Variants in MYH13 observed in about 807,000 individuals in gnomAD.
MYH13 encodes the protein myosin heavy chain 13, also known as myosin-13.
MYH13 carries 177 observed loss-of-function variants against 232.1 expected under a neutral mutation model. That is an observed-to-expected ratio of 0.76 (90% confidence interval 0.67 to 0.86). The LOEUF (loss-of-function observed/expected upper bound fraction) is 0.86, where lower values mean the gene tolerates loss of function less well. Among genes scored for constraint, MYH13 ranks in the 40% least tolerant of loss-of-function variants. The pLI is 0.00. For missense variants in MYH13, 2,246 were observed against 2,405.9 expected (o/e 0.93, Z 1.39); for synonymous variants, 884 against 923.5 (o/e 0.96, Z 0.78).
intron 16 of MYH13, among the ~76,000 whole-genome samples, chr17:10,340,630 T>C (rs2071613693): frequency 6.6e-6 from 1 of 152,140 alleles, no homozygotes; most frequent in African/African-American, 2.4e-5. Context: ...GCCATTCTCT[T>C]GCCTCAGCCT....
chr17:10,367,338 A>G (rs2071845465), intron 2 of MYH13, among the ~76,000 whole-genome samples: 3 of 152,212 alleles, frequency 2.0e-5, no homozygotes, highest in Admixed American at 2.0e-4. Context: ...CATTACATTA[A>G]CATAAACATT....
intron 1 of MYH13, among the ~76,000 whole-genome samples, 198 bp downstream of exon 1, chr17:10,372,781 C>A: frequency 6.6e-6 from 1 of 152,092 alleles, no homozygotes; most frequent in Non-Finnish European, 1.5e-5. Context: ...CTTGTCTTTT[C>A]ACCCCTTGTA....
chr17:10,364,101 C>T (rs2071814391), intron 3 of MYH13, among the ~76,000 whole-genome samples: 1 of 152,144 alleles, frequency 6.6e-6, no homozygotes, highest in Admixed American at 6.5e-5. Flanking sequence ...TCCTCTAAAG[C>T]AAACACCACA....
intron 1 of MYH13, among the ~76,000 whole-genome samples, chr17:10,372,125 A>C (rs1000351485): frequency 6.6e-6 from 1 of 152,202 alleles, no homozygotes; most frequent in African/African-American, 2.4e-5. Flanking sequence ...CATCTTAAAT[A>C]ATCTCCAGTT....
chr17:10,322,794 C>T (rs910688281), intron 23 of MYH13, among the ~76,000 whole-genome samples: 57 of 151,938 alleles, frequency 3.8e-4, no homozygotes, highest in African/African-American at 1.1e-3. Context: ...CCACCACGCC[C>T]GGCTAATTTT....
chr17:10,365,508 C>G (rs1209388560), intron 2 of MYH13, among the ~76,000 whole-genome samples: 1 of 152,182 alleles, frequency 6.6e-6, no homozygotes, highest in Non-Finnish European at 1.5e-5. Flanking sequence ...ATGGGCATTT[C>G]TAGCAAGTTC....
chr17:10,310,725 G>A (rs11868948), intron 33 of MYH13, among the ~76,000 whole-genome samples: 96,653 of 151,886 alleles, frequency 0.64, 31,145 homozygotes, highest in African/African-American at 0.73. Context: ...TTACTGCATC[G>A]GGAGATGCTG....
intron 16 of MYH13, chr17:10,341,235 T>C (rs1402320544): frequency 2.6e-5 from 4 of 151,710 alleles, no homozygotes; most frequent in African/African-American, 9.7e-5. Context: ...TAGAGATGTT[T>C]AGTAGAGAGT....
At chr17:10,354,851 A>G (rs774664046) in intron 10 of MYH13, 44 bp downstream of exon 10, 4 of 1,590,142 alleles carry the variant, frequency 2.5e-6, no homozygotes, top group Non-Finnish European at 2.6e-6. Context: ...TTTTTTCCCA[A>G]CGTCACCGAT....
chr17:10,339,489 A>G (rs1347717038), intron 18 of MYH13, among the ~76,000 whole-genome samples: 1 of 152,236 alleles, frequency 6.6e-6, no homozygotes, highest in African/African-American at 2.4e-5. Flanking sequence ...AAAGTGATTG[A>G]CATGCAGTAT....
Position 10,330,469 on chromosome 17 carries a change from G to C in MYH13, c.2353C>G (p.Leu785Val), listed in dbSNP as rs1907373185. The C allele has an allele frequency of 6.2e-7, 1 of 1,612,550 alleles. No homozygotes were observed. The highest frequency in any genetic ancestry group is 1.3e-5 in the African/African-American group (1 of 74,872). Reference sequence around the variant, plus strand: ...TGCGTGCTTGTCATCAGCGTCACCAGCTTCTCATCTCTCATCTCCTCCAAA... The same window carrying C: ...TGCGTGCTTGTCATCAGCGTCACCACCTTCTCATCTCTCATCTCCTCCAAA... Reference protein sequence around the residue: ...GLLEEMRDEKLVTLMTSTQAV... With the variant: ...GLLEEMRDEKVVTLMTSTQAV... The change falls in exon 21 of 41, where the codon CTG becomes GTG. Residue 785 changes from leucine to valine, a missense_variant. Transcript: ENST00000252172.
chr17:10,361,797 C>T (rs373626878), intron 5 of MYH13, among the ~76,000 whole-genome samples: 5 of 152,214 alleles, frequency 3.3e-5, no homozygotes, highest in African/African-American at 1.2e-4. Context: ...GTAGCATTCC[C>T]TGAGTGGCTA....
At chr17:10,317,612 C>T (rs2142228999) in intron 27 of MYH13, 1 of 152,388 alleles carries the variant, frequency 6.6e-6, no homozygotes, top group Non-Finnish European at 1.5e-5. Context: ...GAGCACCCTG[C>T]AAGGAGGGCA....
At chr17:10,372,293 G>A (rs1454340936) in intron 1 of MYH13, among the ~76,000 whole-genome samples, 2 of 152,086 alleles carry the variant, frequency 1.3e-5, no homozygotes, top group Non-Finnish European at 2.9e-5. Flanking sequence ...GTTTCCTTCC[G>A]TAAAATGAAT....
chr17:10,365,482 G>GA (rs1173846856), intron 2 of MYH13, among the ~76,000 whole-genome samples: 1 of 152,214 alleles, frequency 6.6e-6, no homozygotes, highest in East Asian at 1.9e-4. Flanking sequence ...CAGTAGGCCT[G>GA]AAGTGGGGCC....
intron 23 of MYH13, among the ~76,000 whole-genome samples, chr17:10,322,925 A>G (rs1425742067): frequency 6.6e-6 from 1 of 152,022 alleles, no homozygotes; most frequent in Non-Finnish European, 1.5e-5. Flanking sequence ...AAGCCACCGC[A>G]CCTGGCCCTA....
At chr17:10,368,214 G>A (rs1967580547) in intron 2 of MYH13, among the ~76,000 whole-genome samples, 1 of 152,166 alleles carries the variant, frequency 6.6e-6, no homozygotes, top group Non-Finnish European at 1.5e-5. Context: ...AAGTTGTCAA[G>A]CTAATGGTGG....
chr17:10,305,090 C>T (rs769658502), intron 37 of MYH13, among the ~76,000 whole-genome samples: 1 of 152,176 alleles, frequency 6.6e-6, no homozygotes, highest in Non-Finnish European at 1.5e-5. Context: ...AAATGTCTTC[C>T]ATCAGGTTCT....
Position 10,324,201 on chromosome 17 carries a change from G to A in MYH13, c.2755C>T (p.Leu919=), listed in dbSNP as rs1907112640. 6.2e-7 allele frequency: 1 copy of A among 1,613,870 alleles called. No homozygotes were observed. Among genetic ancestry groups the A allele is most frequent in the Non-Finnish European group, 8.5e-7 (1 of 1,179,878 alleles). The change falls in exon 23 of 41, where the codon CTG becomes TTG. Residue 919 remains leucine (L), a synonymous_variant. Transcript: ENST00000252172. ...GTCAGCTCCTTGACTTTTGCTTCCA[G>A]TAGGATCTTGCTTTTGATGAGTCCT... The part of the protein sequence containing the change: ...CEGLIKSKIL[L]EAKVKELTER...
Sources: allele counts gnomAD v4.1 joint callset (sites outside exome capture counted in the v4.1 genomes callset), GRCh38; gene constraint gnomAD v4.1.1; transcripts MANE v1.5; gene names NCBI Gene and HGNC (gene_info 2026-07-23, HGNC 2026-07-21).